PCDH15: variants seen among roughly 807,000 people sequenced by gnomAD.
PCDH15 encodes protocadherin related 15, also known as protocadherin-15.
Under a neutral mutation model 178.5 loss-of-function variants are expected in PCDH15, and 129 were observed. That is an observed-to-expected ratio of 0.72 (90% CI 0.63 to 0.84). The LOEUF is 0.84. PCDH15 is among the 40% of genes least tolerant of loss of function. PCDH15 has a pLI of 0.00. For missense variants in PCDH15, 2,230 were observed against 2,099.9 expected, an observed-to-expected ratio of 1.06 and a Z score of -1.21; for synonymous variants, 800 against 732.0, an observed-to-expected ratio of 1.09 and a Z score of -1.50.
At chr10:55,137,459 T>A (rs1838225221) in intron 2 of PCDH15, among the ~76,000 whole-genome samples, 1 of 152,048 alleles carries the variant, frequency 6.6e-6, no homozygotes, top group Non-Finnish European at 1.5e-5. Context: ...CTCCATAATG[T>A]TTGCCCAGTG....
At chr10:54,539,009 A>G (rs1219791) in intron 2 of PCDH15, among the ~76,000 whole-genome samples, 53,018 of 152,080 alleles carry the variant, frequency 0.35, 10,130 homozygotes, top group African/African-American at 0.5. Context: ...TGATTGCTTT[A>G]GAGATTATGG....
chr10:55,376,265 C>T (rs545609087), intron 2 of PCDH15, among the ~76,000 whole-genome samples: 5 of 152,110 alleles, frequency 3.3e-5, no homozygotes, highest in African/African-American at 9.6e-5. Flanking sequence ...ATCCAGTTTT[C>T]GATCCACTTA....
At chr10:54,118,895 A>G (rs1358912029) in intron 15 of PCDH15, among the ~76,000 whole-genome samples, 3 of 152,106 alleles carry the variant, frequency 2.0e-5, no homozygotes, top group Admixed American at 6.5e-5. Flanking sequence ...CGGGAATCCA[A>G]TGGAATTATG....
intron 2 of PCDH15, among the ~76,000 whole-genome samples, chr10:55,501,209 C>G (rs1462553852): frequency 6.6e-6 from 1 of 151,482 alleles, no homozygotes; most frequent in East Asian, 2.0e-4. Flanking sequence ...TCCTGGGGTA[C>G]CTGAAGCTGA....
intron 1 of PCDH15, among the ~76,000 whole-genome samples, chr10:55,247,194 C>T (rs181079918): frequency 4.6e-5 from 7 of 152,132 alleles, no homozygotes; most frequent in Admixed American, 3.9e-4. Context: ...GCAATGTATT[C>T]TTTAGTTTAG....
intron 2 of PCDH15, among the ~76,000 whole-genome samples, chr10:54,546,328 C>G (rs368427037): frequency 6.6e-6 from 1 of 151,966 alleles, no homozygotes; most frequent in East Asian, 1.9e-4. Context: ...CATGGAAAGT[C>G]AAAAAATTAT....
At chr10:53,965,931 A>G (rs887573256) in intron 21 of PCDH15, among the ~76,000 whole-genome samples, 1 of 152,168 alleles carries the variant, frequency 6.6e-6, no homozygotes, top group Non-Finnish European at 1.5e-5. Context: ...ACATGCTGGT[A>G]TTATGGAATG....
chr10:55,359,718 G>A (rs1845176895), intron 2 of PCDH15, among the ~76,000 whole-genome samples: 1 of 92,386 alleles, frequency 1.1e-5, no homozygotes, highest in Non-Finnish European at 2.1e-5. Context: ...AGAAAATGTG[G>A]TGTATATATA....
upstream of PCDH15, among the ~76,000 whole-genome samples, chr10:54,803,461 T>C (rs1952724816): frequency 1.3e-5 from 2 of 152,158 alleles, no homozygotes; most frequent in South Asian, 2.1e-4. Context: ...TAAAGTGCCA[T>C]GTAACCAAAT....
chr10:54,967,522 A>G (rs1270165131), intron 2 of PCDH15, among the ~76,000 whole-genome samples: 1 of 152,152 alleles, frequency 6.6e-6, no homozygotes, highest in African/African-American at 2.4e-5. Context: ...TTCACTTAAC[A>G]TAATTATTGG....
At chr10:54,822,665 T>C (rs186122946) in intron 3 of PCDH15, among the ~76,000 whole-genome samples, 1 of 152,090 alleles carries the variant, frequency 6.6e-6, no homozygotes, top group Non-Finnish European at 1.5e-5. Context: ...TCTGGATTGC[T>C]GGATCACATG....
chr10:55,621,973 C>A (rs1187801105), intron 2 of PCDH15, among the ~76,000 whole-genome samples: 1 of 143,786 alleles, frequency 7.0e-6, no homozygotes, highest in Admixed American at 7.2e-5. Flanking sequence ...TATAAATATA[C>A]TCTCGTTCTC....
intron 2 of PCDH15, among the ~76,000 whole-genome samples, chr10:55,451,336 A>G (rs1839430994): frequency 6.6e-6 from 1 of 151,966 alleles, no homozygotes; most frequent in African/African-American, 2.4e-5. Context: ...ATCTCTACTA[A>G]GAATACAAAA....
intron 17 of PCDH15, among the ~76,000 whole-genome samples, chr10:54,068,882 T>A (rs538209172): frequency 6.6e-6 from 1 of 152,274 alleles, no homozygotes; most frequent in African/African-American, 2.4e-5. Flanking sequence ...CTTTAAAAGA[T>A]GCACACACAC....
At chr10:55,442,857 TTAG>T (rs1839228641) in intron 2 of PCDH15, among the ~76,000 whole-genome samples, 4 of 152,120 alleles carry the variant, frequency 2.6e-5, no homozygotes, top group Admixed American at 2.6e-4. Flanking sequence ...AAAAGCAAGT[TTAG>T]TGATAATTGT....
At chr10:55,545,608 A>C (rs1239197174) in intron 2 of PCDH15, among the ~76,000 whole-genome samples, 1 of 150,140 alleles carries the variant, frequency 6.7e-6, no homozygotes, top group Non-Finnish European at 1.5e-5. Flanking sequence ...ACAGGGTTTC[A>C]CCATGTTGGC....
intron 3 of PCDH15, among the ~76,000 whole-genome samples, chr10:54,869,971 T>C (rs1954007316): frequency 1.3e-5 from 2 of 152,202 alleles, no homozygotes. Context: ...ATATCACTTA[T>C]GAATGGGCTT....
chr10:54,237,358 T>C (rs987946111), intron 8 of PCDH15, among the ~76,000 whole-genome samples: 1 of 151,968 alleles, frequency 6.6e-6, no homozygotes, highest in African/African-American at 2.4e-5. Context: ...ACACATCAAT[T>C]ATATTAAAAT....
chr10:53,832,216 G>C (rs1287946877), intron 29 of PCDH15, among the ~76,000 whole-genome samples: 1 of 152,004 alleles, frequency 6.6e-6, no homozygotes, highest in African/African-American at 2.4e-5. Flanking sequence ...GGAAGTGGTA[G>C]TCAATGTAAT....
Sources: allele counts gnomAD v4.1 joint callset (sites outside exome capture counted in the v4.1 genomes callset), GRCh38; gene constraint gnomAD v4.1.1; transcripts MANE v1.5; gene names NCBI Gene and HGNC (gene_info 2026-07-23, HGNC 2026-07-21).